Variants in MCCC2 observed in about 807,000 individuals in gnomAD.
MCCC2 encodes the protein methylcrotonyl-CoA carboxylase subunit 2, also known as methylcrotonoyl-CoA carboxylase beta chain, mitochondrial.
MCCC2 carries 52 observed loss-of-function variants against 77.2 expected under a neutral mutation model. The observed-to-expected ratio is 0.67, with a 90% CI of 0.54 to 0.85. MCCC2 has a LOEUF of 0.85. MCCC2 is among the 40% of genes least tolerant of loss of function. The probability of loss-of-function intolerance (pLI) is 0.00; values close to 1 mark genes in which losing one functional copy is unlikely to be tolerated. For missense variants in MCCC2, 682 were observed against 703.2 expected (o/e 0.97, Z 0.34); for synonymous variants, 253 against 248.4 (o/e 1.02, Z -0.18).
At chr5:71,639,970 G>A (rs988514043) in intron 10 of MCCC2, among the ~76,000 whole-genome samples, 3 of 152,156 alleles carry the variant, frequency 2.0e-5, no homozygotes, top group Non-Finnish European at 4.4e-5. Flanking sequence ...GATTGATGTG[G>A]CAGACAGAAA....
chr5:71,591,863 C>T (rs1414110447), intron 1 of MCCC2, among the ~76,000 whole-genome samples: 1 of 152,212 alleles, frequency 6.6e-6, no homozygotes, highest in African/African-American at 2.4e-5. Flanking sequence ...AGAGATCCTT[C>T]CACCTTAGTT....
intron 6 of MCCC2, among the ~76,000 whole-genome samples, chr5:71,610,427 C>T (rs1166891119): frequency 1.3e-5 from 2 of 152,174 alleles, no homozygotes; most frequent in Non-Finnish European, 2.9e-5. Flanking sequence ...TGCTTCGGCT[C>T]GCACACGGTG....
intron 1 of MCCC2, among the ~76,000 whole-genome samples, chr5:71,590,800 C>T (rs182312130): frequency 6.1e-5 from 9 of 147,092 alleles, no homozygotes; most frequent in African/African-American, 1.8e-4. Context: ...CTGGGCGACA[C>T]GGCCAGACTC....
chr5:71,643,443 A>G (rs1747184371), intron 11 of MCCC2, among the ~76,000 whole-genome samples: 1 of 152,160 alleles, frequency 6.6e-6, no homozygotes, highest in Non-Finnish European at 1.5e-5. Flanking sequence ...CTTATCTGTT[A>G]ATTTTTCTTC....
intron 4 of MCCC2, among the ~76,000 whole-genome samples, chr5:71,600,243 C>T (rs1745370046): frequency 6.6e-6 from 1 of 151,972 alleles, no homozygotes; most frequent in Non-Finnish European, 1.5e-5. Flanking sequence ...ACTAGAGATG[C>T]TCTAGTACTG....
chr5:71,594,982 T>G (rs1320752352), intron 2 of MCCC2, among the ~76,000 whole-genome samples: 1 of 62,912 alleles, frequency 1.6e-5, no homozygotes, highest in African/African-American at 4.0e-5. Context: ...CACTACAACC[T>G]TGGCCCCCCG....
chr5:71,616,846 G>A (rs957734466), intron 6 of MCCC2, among the ~76,000 whole-genome samples: 1 of 152,072 alleles, frequency 6.6e-6, no homozygotes, highest in Admixed American at 6.6e-5. Flanking sequence ...AGTCCTGTTG[G>A]TTTCACCCTT....
At chr5:71,637,916 A>G (rs952556808) in intron 10 of MCCC2, among the ~76,000 whole-genome samples, 4 of 151,848 alleles carry the variant, frequency 2.6e-5, no homozygotes, top group Admixed American at 1.3e-4. Context: ...GTTTCACCGT[A>G]TTAGCCAGGA....
intron 13 of MCCC2, among the ~76,000 whole-genome samples, chr5:71,646,780 A>G (rs1303880358): frequency 6.6e-6 from 1 of 152,252 alleles, no homozygotes; most frequent in East Asian, 1.9e-4. Context: ...CCCAGAAAGC[A>G]GCAGGAGCAT....
chr5:71,647,926 A>G (rs1368914104), intron 13 of MCCC2, among the ~76,000 whole-genome samples: 1 of 148,032 alleles, frequency 6.8e-6, no homozygotes, highest in Non-Finnish European at 1.5e-5. Flanking sequence ...TCCCCTCCAG[A>G]GAATAGAGGG....
At chr5:71,640,916 C>T in intron 10 of MCCC2, 87 bp from the exon 11 acceptor site, 5 of 1,161,110 alleles carry the variant, frequency 4.3e-6, no homozygotes, top group Non-Finnish European at 6.4e-6. Context: ...GACAACTTCA[C>T]TGTGAATTGT....
chr5:71,635,065 T>A, intron 9 of MCCC2, 23 bp downstream of exon 9: 2 of 1,613,096 alleles, frequency 1.2e-6, no homozygotes, highest in Non-Finnish European at 1.7e-6. Flanking sequence ...TGTTCTTATA[T>A]CTTTTATTTT....
chr5:71,631,538 CTTTTTT>C (rs544704315), intron 7 of MCCC2, among the ~76,000 whole-genome samples: 6 of 128,322 alleles, frequency 4.7e-5, no homozygotes, highest in Admixed American at 8.0e-5. Context: ...GGTCTTTCTT[CTTTTTT>C]TTTTTTTTTT....
chr5:71,587,999 TG>T (rs1328323645), intron 1 of MCCC2, among the ~76,000 whole-genome samples: 1 of 152,210 alleles, frequency 6.6e-6, no homozygotes, highest in African/African-American at 2.4e-5. Flanking sequence ...CCGAGCCCAG[TG>T]GCTCACGCCT....
rs575640475 is a variant in MCCC2 at position 71,624,798 on chromosome 5, A to C, written c.625-1842A>C. 4.8e-5 allele frequency among the ~76,000 whole-genome samples: 7 copies of C among 146,816 alleles called. No homozygotes were observed. In the South Asian group the frequency reaches 1.5e-3, roughly 31 times the overall value. On this transcript the variant is annotated intron_variant, in intron 6 of 16. Transcript: ENST00000340941. ...CAACCTCCGCCTCCCAGGTTAAGTG[A>C]TTCTCCTGCTTCAGCCTCCTGAGTA...
rs752866557 is a variant in MCCC2 at position 71,604,362 on chromosome 5, C to T, written c.518C>T (p.Ser173Leu). Residue 173 changes from serine (S) to leucine (L), a missense_variant, in exon 6 of 17, where the codon TCG becomes TTG. By Grantham distance (145) the Ser-to-Leu change is moderately radical. Coordinates refer to ENST00000340941, the MANE Select transcript of MCCC2 (RefSeq NM_022132.5). ...TCTCATTTCTTGTCTTCAGTTGATT[C>T]GGGAGGAGCATACTTACCTCGACAA... is the stretch of plus-strand genomic sequence containing the variant. ...NRLPCIYLVD[S>L]GGAYLPRQAD... 1.6e-5 allele frequency: 26 copies of T among 1,613,632 alleles called. No individual in the cohort carries two copies. The highest frequency in any genetic ancestry group is 6.7e-5 in the African/African-American group (5 of 74,892).
At chr5:71,595,396 T>C in intron 2 of MCCC2, among the ~76,000 whole-genome samples, 1 of 129,496 alleles carries the variant, frequency 7.7e-6, no homozygotes, top group Non-Finnish European at 1.6e-5. Context: ...ACCACTGCAC[T>C]CCAGCCTGGG....
chr5:71,637,570 T>G (rs1746973389), intron 10 of MCCC2, among the ~76,000 whole-genome samples: 1 of 152,222 alleles, frequency 6.6e-6, no homozygotes, highest in Non-Finnish European at 1.5e-5. Context: ...GACAGCCAAC[T>G]AATCAGGGTA....
chr5:71,609,921 C>T (rs1306159074), intron 6 of MCCC2, among the ~76,000 whole-genome samples: 5 of 151,972 alleles, frequency 3.3e-5, no homozygotes, highest in South Asian at 2.1e-4. Flanking sequence ...GGCAGTCTGC[C>T]CGTTCTCAGA....
Sources: gnomAD v4.1 joint callset for allele counts (sites outside exome capture counted in the v4.1 genomes callset) on GRCh38, gnomAD v4.1.1 for gene constraint, MANE v1.5 for transcripts, NCBI Gene and HGNC (gene_info 2026-07-23, HGNC 2026-07-21) for gene names.